Variants in HPSE2 observed in about 807,000 individuals in gnomAD.
HPSE2 encodes the protein heparanase 2 (inactive).
A neutral mutation model predicts 60.5 loss-of-function variants in HPSE2; 38 were observed. The ratio of observed to expected loss-of-function variants is 0.63; its 90% CI spans 0.48 to 0.82. The LOEUF (loss-of-function observed/expected upper bound fraction) is 0.82, where lower values mean the gene tolerates loss of function less well. HPSE2 is among the 40% of genes least tolerant of loss of function. The pLI is 0.00. For synonymous variants in HPSE2, 295 were observed against 293.2 expected, an observed-to-expected ratio of 1.01 and a Z score of -0.06; for missense variants, 713 against 740.4, an observed-to-expected ratio of 0.96 and a Z score of 0.43.
chr10:98,948,688 C>A (rs1382216804), intron 3 of HPSE2, among the ~76,000 whole-genome samples: 1 of 151,996 alleles, frequency 6.6e-6, no homozygotes, highest in African/African-American at 2.4e-5. Flanking sequence ...AAGACGTGTG[C>A]CTGCCTTTCC....
chr10:99,132,606 G>A (rs1475576495), intron 3 of HPSE2, among the ~76,000 whole-genome samples: 2 of 152,050 alleles, frequency 1.3e-5, no homozygotes, highest in African/African-American at 4.8e-5. Flanking sequence ...GACGAAGGAG[G>A]GTGGGGTGTC....
intron 9 of HPSE2, among the ~76,000 whole-genome samples, chr10:98,604,556 G>T (rs995243478): frequency 6.6e-6 from 1 of 152,068 alleles, no homozygotes; most frequent in African/African-American, 2.4e-5. Context: ...AGGAATCGAA[G>T]AAATAATTGA....
chr10:98,720,434 C>T (rs1948894233), intron 5 of HPSE2, among the ~76,000 whole-genome samples: 1 of 151,996 alleles, frequency 6.6e-6, no homozygotes, highest in Non-Finnish European at 1.5e-5. Flanking sequence ...CATGATCTTG[C>T]ATTAATTAAA....
intron 3 of HPSE2, among the ~76,000 whole-genome samples, chr10:99,048,517 A>G (rs780203035): frequency 1.3e-4 from 20 of 152,122 alleles, no homozygotes; most frequent in Non-Finnish European, 2.6e-4. Flanking sequence ...GCAAATCAAA[A>G]CCACAGTGAG....
At chr10:99,232,238 C>T (rs1849674851) in intron 2 of HPSE2, 110 bp downstream of exon 2, 23 of 1,300,208 alleles carry the variant, frequency 1.8e-5, no homozygotes, top group South Asian at 5.1e-5. Flanking sequence ...CACACACACA[C>T]ACACACACAC....
chr10:98,572,484 C>T (rs979779799), intron 9 of HPSE2, among the ~76,000 whole-genome samples: 14 of 152,176 alleles, frequency 9.2e-5, no homozygotes, highest in African/African-American at 2.4e-4. Context: ...GATCCACACA[C>T]GCTCATGTGC....
At chr10:98,998,993 T>G (rs1285716351) in intron 3 of HPSE2, among the ~76,000 whole-genome samples, 1 of 152,198 alleles carries the variant, frequency 6.6e-6, no homozygotes, top group Non-Finnish European at 1.5e-5. Flanking sequence ...TATTATTGCT[T>G]GGATCCAAGT....
At chr10:98,640,361 G>T (rs889407550) in intron 7 of HPSE2, among the ~76,000 whole-genome samples, 1 of 152,200 alleles carries the variant, frequency 6.6e-6, no homozygotes, top group African/African-American at 2.4e-5. Context: ...GACAGATAAG[G>T]GTGCTGGCCA....
chr10:99,205,244 A>C (rs1848706917), intron 2 of HPSE2, among the ~76,000 whole-genome samples: 1 of 152,196 alleles, frequency 6.6e-6, no homozygotes, highest in African/African-American at 2.4e-5. Context: ...ATCTAAAATA[A>C]AATTTTAAAA....
chr10:99,141,269 G>A (rs750233866), intron 3 of HPSE2, among the ~76,000 whole-genome samples: 19 of 151,818 alleles, frequency 1.3e-4, no homozygotes, highest in Non-Finnish European at 2.1e-4. Context: ...AAACATATAC[G>A]CCCCCATAGG....
intron 2 of HPSE2, among the ~76,000 whole-genome samples, chr10:99,212,805 G>C (rs1261543077): frequency 6.6e-6 from 1 of 152,120 alleles, no homozygotes; most frequent in Non-Finnish European, 1.5e-5. Flanking sequence ...AAATTAAAAA[G>C]TATGTGAGGT....
intron 3 of HPSE2, among the ~76,000 whole-genome samples, chr10:99,031,743 G>A (rs1393514393): frequency 6.6e-6 from 1 of 152,150 alleles, no homozygotes; most frequent in African/African-American, 2.4e-5. Flanking sequence ...TATCTACAGT[G>A]TAATATTGGA....
chr10:99,216,486 C>T (rs1458866978), intron 2 of HPSE2, among the ~76,000 whole-genome samples: 1 of 36,956 alleles, frequency 2.7e-5, no homozygotes, highest in East Asian at 8.1e-4. Context: ...TGAGCCACTG[C>T]ACCGGCCTAA....
intron 3 of HPSE2, among the ~76,000 whole-genome samples, chr10:98,840,349 A>G (rs1422045826): frequency 2.0e-5 from 3 of 152,232 alleles, no homozygotes; most frequent in Non-Finnish European, 4.4e-5. Context: ...CGTAGATGTT[A>G]AAAAGTTTTG....
intron 7 of HPSE2, among the ~76,000 whole-genome samples, chr10:98,626,105 C>CA (rs577298322): frequency 0.016 from 1,228 of 75,254 alleles, 14 homozygotes; most frequent in African/African-American, 0.047. Flanking sequence ...GACTCCGTCT[C>CA]AAAAAAAAAA....
At chr10:99,004,044 T>C (rs563199252) in intron 3 of HPSE2, among the ~76,000 whole-genome samples, 2 of 152,218 alleles carry the variant, frequency 1.3e-5, no homozygotes, top group South Asian at 4.1e-4. Context: ...TTATTTGATA[T>C]AAGTATAGTT....
chr10:98,917,799 A>G (rs1173468372), intron 3 of HPSE2, among the ~76,000 whole-genome samples: 1 of 152,226 alleles, frequency 6.6e-6, no homozygotes, highest in Admixed American at 6.5e-5. Flanking sequence ...TACAGGAGAA[A>G]CTGGTAGGCA....
chr10:98,491,555 C>T (rs541233959), intron 9 of HPSE2, among the ~76,000 whole-genome samples: 1 of 152,182 alleles, frequency 6.6e-6, no homozygotes, highest in African/African-American at 2.4e-5. Flanking sequence ...GAATTTCCAC[C>T]TTTTTCTTAC....
At chr10:99,236,796 C>G (rs544605032), upstream of HPSE2, among the ~76,000 whole-genome samples, 5 of 152,326 alleles carry the variant, frequency 3.3e-5, no homozygotes, top group Admixed American at 1.3e-4. Flanking sequence ...GTCGAAGCTA[C>G]CTGAGCTGTG....
Sources: allele counts gnomAD v4.1 joint callset (sites outside exome capture counted in the v4.1 genomes callset), GRCh38; gene constraint gnomAD v4.1.1; transcripts MANE v1.5; gene names NCBI Gene and HGNC (gene_info 2026-07-23, HGNC 2026-07-21).